RORA: variants seen among roughly 807,000 people sequenced by gnomAD.
RORA encodes the protein RAR related orphan receptor A.
A neutral mutation model predicts 69.5 loss-of-function variants in RORA; 7 were observed. That is an observed-to-expected ratio of 0.10 (90% confidence interval 0.06 to 0.19). RORA has a LOEUF of 0.19. Among genes scored for constraint, RORA ranks in the 10% least tolerant of loss-of-function variants. The pLI, the probability that RORA is intolerant of heterozygous loss-of-function variation, is 1.00. For missense variants in RORA, 457 were observed against 663.0 expected (o/e 0.69, Z 3.41); for synonymous variants, 261 against 240.8 (o/e 1.08, Z -0.78).
At chr15:60,974,070 C>A (rs1445071255) in intron 1 of RORA, among the ~76,000 whole-genome samples, 3 of 152,140 alleles carry the variant, frequency 2.0e-5, no homozygotes, top group Non-Finnish European at 4.4e-5. Flanking sequence ...TCCTTGAATC[C>A]CGGGGGTAAA....
intron 1 of RORA, among the ~76,000 whole-genome samples, chr15:61,030,738 C>A (rs1896121921): frequency 6.6e-6 from 1 of 152,118 alleles, no homozygotes. Flanking sequence ...AATGTAGCAT[C>A]TAAAACAGAT....
At chr15:60,539,769 C>T (rs971999926) in intron 2 of RORA, among the ~76,000 whole-genome samples, 2 of 151,766 alleles carry the variant, frequency 1.3e-5, no homozygotes, top group Non-Finnish European at 2.9e-5. Flanking sequence ...TTGTAAACAA[C>T]AGAACGTATT....
chr15:61,177,063 G>C (rs1325092852), intron 1 of RORA, among the ~76,000 whole-genome samples: 1 of 152,174 alleles, frequency 6.6e-6, no homozygotes, highest in Non-Finnish European at 1.5e-5. Context: ...AGATTTAAAA[G>C]ACATTGAAGA....
intron 1 of RORA, among the ~76,000 whole-genome samples, chr15:60,965,819 C>T (rs1487853728): frequency 6.6e-6 from 1 of 152,170 alleles, no homozygotes. Flanking sequence ...CCTGACCAAA[C>T]CTTCACCCTG....
chr15:61,169,074 C>G (rs1310706999), intron 1 of RORA, among the ~76,000 whole-genome samples: 1 of 151,566 alleles, frequency 6.6e-6, no homozygotes, highest in South Asian at 2.1e-4. Context: ...TTGCTGTATT[C>G]CCCCTGCCAG....
chr15:60,693,082 C>T (rs1368269552), intron 1 of RORA, among the ~76,000 whole-genome samples: 1 of 152,160 alleles, frequency 6.6e-6, no homozygotes, highest in Non-Finnish European at 1.5e-5. Context: ...TCCAGCAGCA[C>T]ATCAAAAAAC....
chr15:61,075,539 G>A (rs1413639284), intron 1 of RORA, among the ~76,000 whole-genome samples: 2 of 152,220 alleles, frequency 1.3e-5, no homozygotes, highest in Admixed American at 1.3e-4. Flanking sequence ...GAGTGGAGAA[G>A]TAAGGGTTTG....
intron 1 of RORA, among the ~76,000 whole-genome samples, chr15:60,776,513 A>G (rs1315915937): frequency 6.6e-6 from 1 of 152,258 alleles, no homozygotes; most frequent in African/African-American, 2.4e-5. Flanking sequence ...CAGAGACTTC[A>G]CAACCAGGCT....
chr15:60,597,610 A>ATATG (rs2068721069), intron 2 of RORA, among the ~76,000 whole-genome samples: 1 of 47,980 alleles, frequency 2.1e-5, no homozygotes, highest in African/African-American at 1.0e-4. Context: ...ATATATATAT[A>ATATG]TATATATACA....
At chr15:60,894,126 A>G (rs1035482891) in intron 1 of RORA, among the ~76,000 whole-genome samples, 2 of 152,092 alleles carry the variant, frequency 1.3e-5, no homozygotes, top group African/African-American at 2.4e-5. Flanking sequence ...TCCCTCCACC[A>G]GCCACGCGGC....
intron 2 of RORA, among the ~76,000 whole-genome samples, chr15:60,610,565 G>C (rs2069062499): frequency 6.6e-6 from 1 of 152,146 alleles, no homozygotes. Context: ...TCGACAATAA[G>C]TGAGATGAAA....
At chr15:60,872,102 C>T (rs2073563122) in intron 1 of RORA, among the ~76,000 whole-genome samples, 1 of 151,530 alleles carries the variant, frequency 6.6e-6, no homozygotes, top group Non-Finnish European at 1.5e-5. Context: ...TATCATAAAG[C>T]AAGTGTGCCA....
intron 1 of RORA, among the ~76,000 whole-genome samples, chr15:60,815,823 C>T (rs909918657): frequency 4.0e-5 from 6 of 149,256 alleles, no homozygotes; most frequent in African/African-American, 1.5e-4. Context: ...ATTTCATTGA[C>T]AATAATAGTA....
At chr15:60,915,469 T>G (rs760519069) in intron 1 of RORA, among the ~76,000 whole-genome samples, 3 of 152,196 alleles carry the variant, frequency 2.0e-5, no homozygotes, top group Non-Finnish European at 4.4e-5. Flanking sequence ...CAGTTACTCA[T>G]CTAAATTGAC....
intron 3 of RORA, chr15:60,530,765 C>T (rs1474250613): frequency 6.6e-6 from 1 of 152,180 alleles, no homozygotes; most frequent in Non-Finnish European, 1.5e-5. Context: ...TAACCAAATT[C>T]GTGGATTTTA....
chr15:61,191,375 A>G (rs1200005387), intron 1 of RORA, among the ~76,000 whole-genome samples: 1 of 152,104 alleles, frequency 6.6e-6, no homozygotes, highest in Non-Finnish European at 1.5e-5. Context: ...CAAAAAAAAA[A>G]AAAAAAGAAA....
At chr15:60,902,021 G>C (rs1002708231) in intron 1 of RORA, among the ~76,000 whole-genome samples, 2 of 152,170 alleles carry the variant, frequency 1.3e-5, no homozygotes, top group African/African-American at 2.4e-5. Context: ...TGGGAACCCG[G>C]AGGCTAATTA....
chr15:60,845,379 C>T (rs889284311), intron 1 of RORA, among the ~76,000 whole-genome samples: 3 of 152,210 alleles, frequency 2.0e-5, no homozygotes, highest in African/African-American at 7.2e-5. Context: ...TGAAGCTCTG[C>T]TAATGCCTCG....
At chr15:60,700,541 CG>C (rs1286539621) in intron 1 of RORA, among the ~76,000 whole-genome samples, 1 of 151,674 alleles carries the variant, frequency 6.6e-6, no homozygotes, top group Non-Finnish European at 1.5e-5. Flanking sequence ...TACTTCATGA[CG>C]GGGAAAGAAC....
Sources: allele counts gnomAD v4.1 joint callset (sites outside exome capture counted in the v4.1 genomes callset), GRCh38; gene constraint gnomAD v4.1.1; transcripts MANE v1.5; gene names NCBI Gene and HGNC (gene_info 2026-07-23, HGNC 2026-07-21).